Variants in PKP4 observed in about 807,000 individuals in gnomAD.
The protein encoded by PKP4 is plakophilin-4.
Under a neutral mutation model 145.1 loss-of-function variants are expected in PKP4, and 90 were observed. The observed-to-expected ratio is 0.62, with a 90% confidence interval of 0.52 to 0.74. PKP4 has a LOEUF of 0.74. PKP4 is among the 30% of genes least tolerant of loss of function. The pLI, the probability that PKP4 is intolerant of heterozygous loss-of-function variation, is 0.00. For synonymous variants in PKP4, 563 were observed against 577.2 expected, an observed-to-expected ratio of 0.98 and a Z score of 0.35; for missense variants, 1,340 against 1,482.7, an observed-to-expected ratio of 0.90 and a Z score of 1.58.
At position 158,513,710 on chromosome 2, in the gene PKP4, C is replaced by G. The variant is rs376912779; in HGVS notation, c.-5-19470C>G. Among the ~76,000 whole-genome samples, 50 of 152,304 alleles carry G rather than the reference C, an allele frequency of 3.3e-4. No homozygotes were observed. In the East Asian group the frequency reaches 8.7e-3, roughly 26 times the overall value. On this transcript the variant is annotated intron_variant, in intron 1 of 21. Transcript: ENST00000389759. ...ACCAGTGACACCTCATTCAGTTTGA[C>G]TCTTTGCCTCAACTTTCACCGTCAT... is the stretch of plus-strand genomic sequence containing the variant.
At chr2:158,567,177 A>G (rs980920087) in intron 2 of PKP4, among the ~76,000 whole-genome samples, 5 of 152,032 alleles carry the variant, frequency 3.3e-5, no homozygotes, top group African/African-American at 1.2e-4. Context: ...TATAGATTCC[A>G]CTCTTCTTTA....
In PKP4 at chr2:158,616,359, C is replaced by A. The variant is rs367792481; in HGVS notation, c.281-4631C>A. On this transcript the variant is annotated intron_variant, in intron 4 of 21. Transcript: ENST00000389759. ...CTTTGCTTTTTTGCCGTAGGAGGCACTGGACAATTTCTGCACCTCTGTGGA... is the reference window on the plus strand; with the variant it reads ...CTTTGCTTTTTTGCCGTAGGAGGCAATGGACAATTTCTGCACCTCTGTGGA... Among the ~76,000 whole-genome samples the A allele has an allele frequency of 1.3e-4, 20 of 152,306 alleles. 2 individuals carry two copies. The highest frequency in any genetic ancestry group is 1.2e-3 in the South Asian group (6 of 4,824).
intron 17 of PKP4, among the ~76,000 whole-genome samples, chr2:158,670,404 G>A (rs2057454328): frequency 6.6e-6 from 1 of 152,010 alleles, no homozygotes; most frequent in Non-Finnish European, 1.5e-5. Flanking sequence ...CATTCATGAG[G>A]GCTCTACCCT....
chr2:158,617,283 C>G (rs2051730276), intron 4 of PKP4, among the ~76,000 whole-genome samples: 1 of 151,852 alleles, frequency 6.6e-6, no homozygotes, highest in Non-Finnish European at 1.5e-5. Flanking sequence ...TGAAAGTTCC[C>G]CATAGTATAT....
intron 1 of PKP4, among the ~76,000 whole-genome samples, chr2:158,506,177 T>G (rs2105510938): frequency 6.6e-6 from 1 of 152,310 alleles, no homozygotes; most frequent in African/African-American, 2.4e-5. Context: ...TGTGGACAAG[T>G]TATGCCCTGG....
At chr2:158,482,887 A>T (rs1693578971) in intron 1 of PKP4, among the ~76,000 whole-genome samples, 1 of 152,042 alleles carries the variant, frequency 6.6e-6, no homozygotes, top group South Asian at 2.1e-4. Flanking sequence ...AGGTCATTGC[A>T]CAGAATGGAA....
intron 2 of PKP4, among the ~76,000 whole-genome samples, chr2:158,534,740 A>G (rs146648890): frequency 1.3e-5 from 2 of 152,328 alleles, no homozygotes; most frequent in East Asian, 3.9e-4. Context: ...TATACCCTAC[A>G]TGTAAGAAAA....
rs138264476 is a variant in PKP4, at chr2:158,501,323, C to T, written c.-5-31857C>T. ...TTGCCTTGCAACTCTGCCTTTTTGG[C>T]CTCTCTGGATATCCACTGACATCAT... On this transcript the variant is annotated intron_variant, in intron 1 of 21. Coordinates refer to ENST00000389759, the MANE Select transcript of PKP4 (RefSeq NM_003628.6). 5.8e-4 allele frequency among the ~76,000 whole-genome samples: 89 copies of T among 152,316 alleles called. 2 individuals carry two copies. The East Asian group carries it at 0.017, about 28-fold the overall frequency.
rs993210906 is a variant in PKP4, at chr2:158,676,300, A to T, written c.3128-439A>T. ...AAACTTCTGTTGGCTGAAGAGCTAT[A>T]CATAAAGGATAATAGGTGGGTATTT... On this transcript the variant is annotated intron_variant, in intron 19 of 21. Transcript: ENST00000389759. 3.9e-5 allele frequency among the ~76,000 whole-genome samples: 6 copies of T among 152,368 alleles called. No homozygotes were observed. In the East Asian group the frequency reaches 1.2e-3, roughly 29 times the overall value.
intron 4 of PKP4, among the ~76,000 whole-genome samples, chr2:158,619,044 C>T (rs1243160716): frequency 6.6e-6 from 1 of 152,168 alleles, no homozygotes. Context: ...TTTGCTTTCC[C>T]AGGGTTTCCG....
chr2:158,636,236 T>G (rs998735760), intron 9 of PKP4, among the ~76,000 whole-genome samples: 8 of 152,142 alleles, frequency 5.3e-5, no homozygotes, highest in African/African-American at 1.9e-4. Flanking sequence ...CTCTCAGCTT[T>G]AGTTTATCTG....
intron 16 of PKP4, among the ~76,000 whole-genome samples, chr2:158,667,086 C>T (rs147113015): frequency 3.1e-4 from 47 of 152,242 alleles, no homozygotes; most frequent in Non-Finnish European, 1.5e-4. Flanking sequence ...GCCAAAGGCA[C>T]AACATTTTAG....
intron 1 of PKP4, among the ~76,000 whole-genome samples, chr2:158,479,784 C>T (rs1693059106): frequency 6.6e-6 from 1 of 152,166 alleles, no homozygotes; most frequent in Non-Finnish European, 1.5e-5. Context: ...CTCTGGTTTA[C>T]TGTATGACCC....
intron 3 of PKP4, among the ~76,000 whole-genome samples, chr2:158,580,504 T>C (rs2048242389): frequency 6.6e-6 from 1 of 152,204 alleles, no homozygotes; most frequent in South Asian, 2.1e-4. Flanking sequence ...TACTGGCTTA[T>C]GAAATTGGAA....
At chr2:158,588,854 A>T (rs1025714321) in intron 3 of PKP4, 4 of 152,092 alleles carry the variant, frequency 2.6e-5, no homozygotes, top group Admixed American at 6.5e-5. Context: ...TTCTAAATTC[A>T]TTCACTAAAT....
At chr2:158,471,384 A>G (rs1691547951) in intron 1 of PKP4, among the ~76,000 whole-genome samples, 1 of 152,202 alleles carries the variant, frequency 6.6e-6, no homozygotes, top group South Asian at 2.1e-4. Flanking sequence ...CCTGGATTAA[A>G]TTTAGTATCA....
intron 4 of PKP4, among the ~76,000 whole-genome samples, chr2:158,605,164 C>T (rs947774012): frequency 1.3e-5 from 2 of 152,096 alleles, no homozygotes; most frequent in Non-Finnish European, 2.9e-5. Context: ...ACCACCTGAG[C>T]GAATGAATAC....
intron 1 of PKP4, among the ~76,000 whole-genome samples, chr2:158,525,905 A>T (rs998822740): frequency 2.6e-5 from 4 of 151,198 alleles, no homozygotes; most frequent in Non-Finnish European, 5.9e-5. Context: ...AAATTCCTCG[A>T]CACGTACACT....
At chr2:158,501,246 A>G (rs753130259) in intron 1 of PKP4, among the ~76,000 whole-genome samples, 28 of 152,234 alleles carry the variant, frequency 1.8e-4, no homozygotes, top group Non-Finnish European at 3.4e-4. Flanking sequence ...AATATTACCA[A>G]TGGTAACCGC....
Sources: gnomAD v4.1 joint callset for allele counts (sites outside exome capture counted in the v4.1 genomes callset) on GRCh38, gnomAD v4.1.1 for gene constraint, MANE v1.5 for transcripts, NCBI Gene and HGNC (gene_info 2026-07-23, HGNC 2026-07-21) for gene names.